Variants in KIAA1217 observed in about 807,000 individuals in gnomAD.
The protein encoded by KIAA1217 is KIAA1217.
In KIAA1217, 88 loss-of-function variants were observed where a neutral mutation model predicts 163.9. The ratio of observed to expected loss-of-function variants is 0.54; its 90% confidence interval spans 0.45 to 0.64. KIAA1217 has a LOEUF of 0.64. Among genes scored for constraint, KIAA1217 ranks in the 30% least tolerant of loss-of-function variants. The pLI is 0.00. For missense variants in KIAA1217, 2,372 were observed against 2,475.0 expected (o/e 0.96, Z 0.88); for synonymous variants, 903 against 923.1 (o/e 0.98, Z 0.39).
At chr10:23,969,166 C>T (rs930918936) in intron 1 of KIAA1217, among the ~76,000 whole-genome samples, 4 of 152,148 alleles carry the variant, frequency 2.6e-5, no homozygotes, top group African/African-American at 9.7e-5. Context: ...TCCCAAGTAG[C>T]TGGGATTACA....
chr10:24,106,779 G>A (rs920922652), intron 2 of KIAA1217, among the ~76,000 whole-genome samples: 4 of 152,174 alleles, frequency 2.6e-5, no homozygotes, highest in Non-Finnish European at 4.4e-5. Flanking sequence ...AAATATAAAA[G>A]ACAGGACCAG....
At chr10:23,869,814 C>T (rs1390736140) in intron 1 of KIAA1217, among the ~76,000 whole-genome samples, 1 of 152,092 alleles carries the variant, frequency 6.6e-6, no homozygotes, top group Non-Finnish European at 1.5e-5. Flanking sequence ...ACACTATTCC[C>T]AGGAAGTTCC....
At chr10:24,158,474 A>C (rs2064978637) in intron 2 of KIAA1217, 3 of 538,012 alleles carry the variant, frequency 5.6e-6, no homozygotes, top group Non-Finnish European at 1.1e-5. Flanking sequence ...ATTCATTATC[A>C]GTCTAAACTG....
intron 5 of KIAA1217, among the ~76,000 whole-genome samples, chr10:24,451,573 C>T (rs1336067646): frequency 6.6e-6 from 1 of 152,226 alleles, no homozygotes; most frequent in African/African-American, 2.4e-5. Flanking sequence ...AGGCTTCCAG[C>T]CCCAGTTCAG....
At chr10:24,380,167 G>A (rs1191099508) in intron 2 of KIAA1217, among the ~76,000 whole-genome samples, 1 of 152,190 alleles carries the variant, frequency 6.6e-6, no homozygotes, top group Non-Finnish European at 1.5e-5. Flanking sequence ...TCTGGTATTA[G>A]TAGCTCATCC....
chr10:24,338,307 G>C (rs976538290), intron 2 of KIAA1217, among the ~76,000 whole-genome samples: 1 of 152,136 alleles, frequency 6.6e-6, no homozygotes, highest in East Asian at 1.9e-4. Flanking sequence ...TGCATCCTCT[G>C]GTGTCTGAAG....
chr10:24,134,878 A>T (rs1310516085), intron 2 of KIAA1217, among the ~76,000 whole-genome samples: 1 of 152,134 alleles, frequency 6.6e-6, no homozygotes, highest in Non-Finnish European at 1.5e-5. Context: ...CGCCCAGCTG[A>T]GGCATTAATT....
Position 24,069,247 on chromosome 10 carries a change from G to A in KIAA1217, c.-171+61873G>A, listed in dbSNP as rs535744447. On this transcript the variant is annotated intron_variant, in intron 2 of 18. Coordinates refer to the KIAA1217 transcript ENST00000376462. ...AAAAGCCAGTCCTTTAGGTAGCACC[G>A]TAGAGGTTGTAATGTTCGACATGTG... Among the ~76,000 whole-genome samples the A allele has an allele frequency of 5.8e-4, 88 of 152,314 alleles. 1 individual carries two copies. The highest frequency in any genetic ancestry group is 2.0e-3 in the African/African-American group (83 of 41,582).
At chr10:24,251,400 CAAA>C (rs55668887) in intron 2 of KIAA1217, among the ~76,000 whole-genome samples, 11 of 90,512 alleles carry the variant, frequency 1.2e-4, no homozygotes, top group African/African-American at 3.3e-4. Context: ...GACACTGTCT[CAAA>C]AAAAAAAAAA....
At chr10:24,352,551 T>C (rs1019048644) in intron 2 of KIAA1217, among the ~76,000 whole-genome samples, 2 of 152,206 alleles carry the variant, frequency 1.3e-5, no homozygotes, top group Admixed American at 6.5e-5. Context: ...CTGTTTAGAC[T>C]CCGCTGTCTG....
intron 2 of KIAA1217, among the ~76,000 whole-genome samples, chr10:24,080,065 G>C (rs767032177): frequency 1.6e-4 from 25 of 152,202 alleles, no homozygotes; most frequent in Non-Finnish European, 7.3e-5. Context: ...CTTCCGGCCT[G>C]TGTCCTGTGG....
rs116937369 is a variant in KIAA1217, at chr10:24,051,009, T to G, written c.-171+43635T>G. On this transcript the variant is annotated intron_variant, in intron 2 of 18. Transcript: ENST00000376462. ...TCTTTAGTGGTGATTTCTGAGATTTTGGTACACTGATCACCTAAGCAATGT... is the reference window on the plus strand; with the variant it reads ...TCTTTAGTGGTGATTTCTGAGATTTGGGTACACTGATCACCTAAGCAATGT... Among the ~76,000 whole-genome samples, 110 of 152,280 alleles carry G rather than the reference T, an allele frequency of 7.2e-4. No individual in the cohort carries two copies. In the East Asian group the frequency reaches 0.014, roughly 19 times the overall value.
At chr10:23,852,616 T>A (rs1228942888) in intron 1 of KIAA1217, among the ~76,000 whole-genome samples, 1 of 152,214 alleles carries the variant, frequency 6.6e-6, no homozygotes, top group South Asian at 2.1e-4. Flanking sequence ...CGTATGGCCA[T>A]TTTCACAATA....
chr10:24,385,701 G>A (rs1349447906), intron 3 of KIAA1217, among the ~76,000 whole-genome samples: 2 of 152,158 alleles, frequency 1.3e-5, no homozygotes, highest in Admixed American at 6.5e-5. Flanking sequence ...CCAGAGCCCA[G>A]CTGAAATTCT....
At chr10:24,434,698 T>G (rs1404468232) in intron 4 of KIAA1217, among the ~76,000 whole-genome samples, 1 of 152,250 alleles carries the variant, frequency 6.6e-6, no homozygotes, top group Non-Finnish European at 1.5e-5. Context: ...ATTTGATCTG[T>G]TCCAACCAAA....
chr10:24,395,203 C>T (rs770213445), intron 3 of KIAA1217, among the ~76,000 whole-genome samples: 2 of 152,090 alleles, frequency 1.3e-5, no homozygotes, highest in African/African-American at 4.8e-5. Flanking sequence ...CAGGGAGGAC[C>T]TCTCCCCCAT....
intron 2 of KIAA1217, among the ~76,000 whole-genome samples, chr10:24,137,581 T>C (rs1328691463): frequency 2.0e-5 from 3 of 152,356 alleles, no homozygotes; most frequent in Middle Eastern, 3.4e-3. Context: ...TTGACCTGAG[T>C]TCAATTTTTA....
chr10:24,260,529 CAATT>C (rs2075614465), intron 2 of KIAA1217, among the ~76,000 whole-genome samples: 1 of 131,414 alleles, frequency 7.6e-6, no homozygotes, highest in South Asian at 2.5e-4. Context: ...TCAGAAGGAT[CAATT>C]GAGTCCAGAA....
chr10:23,810,955 ATATATATAGTATATAT>A (rs1837005137), intron 1 of KIAA1217, among the ~76,000 whole-genome samples: 1 of 116,628 alleles, frequency 8.6e-6, no homozygotes, highest in African/African-American at 3.6e-5. Flanking sequence ...ATATTATATA[ATATATATAGTATATAT>A]TATATACTAT....
Sources: gnomAD v4.1 joint callset for allele counts (sites outside exome capture counted in the v4.1 genomes callset) on GRCh38, gnomAD v4.1.1 for gene constraint, MANE v1.5 for transcripts, NCBI Gene and HGNC (gene_info 2026-07-23, HGNC 2026-07-21) for gene names.